DOCK1: variants seen among roughly 807,000 people sequenced by gnomAD.
DOCK1 encodes dedicator of cytokinesis 1.
In DOCK1, 138 loss-of-function variants were observed where a neutral mutation model predicts 262.7. The observed-to-expected ratio is 0.53, with a 90% CI of 0.46 to 0.61. The LOEUF (loss-of-function observed/expected upper bound fraction) is 0.61. Ranked by LOEUF, DOCK1 falls within the 20% of genes least tolerant of loss-of-function variation. The pLI, the probability that DOCK1 is intolerant of heterozygous loss-of-function variation, is 0.00. For synonymous variants in DOCK1, 866 were observed against 867.4 expected (o/e 1.00, Z 0.03); for missense variants, 1,908 against 2,370.7 (o/e 0.80, Z 4.05).
At chr10:126,941,035 A>C (rs2034939635) in intron 1 of DOCK1, among the ~76,000 whole-genome samples, 2 of 152,248 alleles carry the variant, frequency 1.3e-5, no homozygotes, top group African/African-American at 4.8e-5. Context: ...GTACATTCAC[A>C]TTTTTCCATC....
intron 29 of DOCK1, among the ~76,000 whole-genome samples, chr10:127,259,272 T>G (rs2134975824): frequency 6.6e-6 from 1 of 152,318 alleles, no homozygotes; most frequent in African/African-American, 2.4e-5. Context: ...TCTCTCAGCT[T>G]CTCAGTCGTC....
At chr10:126,924,665 GA>G (rs1202583359) in intron 1 of DOCK1, among the ~76,000 whole-genome samples, 1 of 152,230 alleles carries the variant, frequency 6.6e-6, no homozygotes, top group African/African-American at 2.4e-5. Flanking sequence ...AACAGAAAAT[GA>G]AATCTCATTT....
At position 127,446,479 on chromosome 10, in the gene DOCK1, AC is replaced by A. The variant is rs1053486802; in HGVS notation, c.5414-913del. ...GCAAATTTTATGTCGTGTATATCTT[AC>A]CACAATAATAGCAAAGAAGTAGGCA... On this transcript the variant is annotated intron_variant, in intron 50 of 51. Coordinates refer to ENST00000623213, the MANE Select transcript of DOCK1 (RefSeq NM_001290223.2). This position sits in a 1 kb window ranked among gnomAD's most constrained non-coding sequence, Gnocchi z 4.4. Among the ~76,000 whole-genome samples, 3 of 152,172 alleles carry A rather than the reference AC, an allele frequency of 2.0e-5. No homozygotes were observed. Among genetic ancestry groups the A allele is most frequent in the African/African-American group, 7.2e-5 (3 of 41,444 alleles).
intron 38 of DOCK1, among the ~76,000 whole-genome samples, chr10:127,397,185 C>A (rs1225676146): frequency 2.4e-5 from 3 of 125,726 alleles, no homozygotes; most frequent in African/African-American, 3.2e-5. Flanking sequence ...ATGAGTTACA[C>A]GGGCAGCGTC....
At chr10:127,068,338 A>C (rs1310318829) in intron 23 of DOCK1, among the ~76,000 whole-genome samples, 1 of 152,176 alleles carries the variant, frequency 6.6e-6, no homozygotes, top group African/African-American at 2.4e-5. Flanking sequence ...AATGATCTGA[A>C]TGTGTTAGGG....
chr10:127,237,255 G>A (rs1199628882), intron 27 of DOCK1, among the ~76,000 whole-genome samples: 2 of 151,588 alleles, frequency 1.3e-5, no homozygotes, highest in Non-Finnish European at 2.9e-5. Context: ...AGCTACTTGG[G>A]AGGCTGAGGC....
At chr10:126,959,426 C>T (rs943049514) in intron 1 of DOCK1, among the ~76,000 whole-genome samples, 8 of 152,206 alleles carry the variant, frequency 5.3e-5, no homozygotes, top group Admixed American at 1.3e-4. Flanking sequence ...AAGTAAATCA[C>T]GATATATAGG....
At chr10:127,339,899 G>A (rs2063359337) in intron 30 of DOCK1, among the ~76,000 whole-genome samples, 1 of 152,104 alleles carries the variant, frequency 6.6e-6, no homozygotes, top group Non-Finnish European at 1.5e-5. Context: ...TTTTTGAAAA[G>A]CATGCAGATA....
chr10:127,104,292 A>G (rs971593352), intron 23 of DOCK1, among the ~76,000 whole-genome samples: 3 of 152,126 alleles, frequency 2.0e-5, no homozygotes, highest in Non-Finnish European at 2.9e-5. Context: ...CAATTTATCA[A>G]TTTTTTCTTT....
intron 38 of DOCK1, among the ~76,000 whole-genome samples, chr10:127,386,192 G>T (rs2066109035): frequency 6.6e-6 from 1 of 152,092 alleles, no homozygotes; most frequent in South Asian, 2.1e-4. Context: ...TCCTTTATTT[G>T]TCCCTGCCAT....
intron 27 of DOCK1, among the ~76,000 whole-genome samples, chr10:127,188,736 C>A (rs998573670): frequency 1.3e-5 from 2 of 152,196 alleles, no homozygotes; most frequent in African/African-American, 4.8e-5. Context: ...GAGCAAAGAT[C>A]AGAAAAGGTA....
chr10:126,977,514 G>A (rs1337228890), intron 2 of DOCK1, among the ~76,000 whole-genome samples: 1 of 152,084 alleles, frequency 6.6e-6, no homozygotes, highest in African/African-American at 2.4e-5. Context: ...TCTCTCAATG[G>A]GTTTTCTGTT....
chr10:127,363,003 ACGCACATCCC>A (rs2133947967), intron 33 of DOCK1, among the ~76,000 whole-genome samples: 3 of 132,676 alleles, frequency 2.3e-5, no homozygotes, highest in Admixed American at 7.7e-5. Context: ...CCACACACAC[ACGCACATCCC>A]CACACACACA....
At chr10:126,938,102 A>G (rs2034679599) in intron 1 of DOCK1, among the ~76,000 whole-genome samples, 1 of 151,232 alleles carries the variant, frequency 6.6e-6, no homozygotes, top group South Asian at 2.1e-4. Context: ...GCTGGAGTGC[A>G]ATGGCACGAT....
intron 16 of DOCK1, among the ~76,000 whole-genome samples, chr10:127,029,266 GC>G (rs1398766373): frequency 2.0e-5 from 3 of 152,196 alleles, no homozygotes; most frequent in Non-Finnish European, 4.4e-5. Flanking sequence ...GGCCTTCGGG[GC>G]CTCCCCAGCC....
intron 25 of DOCK1, among the ~76,000 whole-genome samples, chr10:127,121,077 A>G (rs2049530457): frequency 6.6e-6 from 1 of 152,166 alleles, no homozygotes. Flanking sequence ...GGGGGATTGC[A>G]TTATTTCTTT....
In DOCK1 at chr10:127,380,171, A is replaced by G. The variant is rs766170603; in HGVS notation, c.3716+49A>G. 1.7e-5 allele frequency: 22 copies of G among 1,324,218 alleles called. No individual in the cohort carries two copies. The South Asian group carries it at 2.9e-4, about 17-fold the overall frequency. The allele number at this position is 1,324,218 out of a possible 1,614,324, so 82.0% of individuals were successfully genotyped here. ...GCATGTTAATTATAAATAATAATAT[A>G]TGTTGTATGTTTACGTATGCTAAGA... On this transcript the variant is annotated intron_variant, in intron 36 of 51. Coordinates refer to ENST00000623213, the MANE Select transcript of DOCK1 (RefSeq NM_001290223.2).
In DOCK1 at chr10:127,052,774, C is replaced by A; in HGVS notation, c.2295C>A (p.Ser765=). 3 of 1,613,894 alleles carry A rather than the reference C, an allele frequency of 1.9e-6. No homozygotes were observed. Among genetic ancestry groups the A allele is most frequent in the Non-Finnish European group, 2.5e-6 (3 of 1,179,864 alleles). Reference sequence around the variant, plus strand: ...ACAAAGCCATGAAAGCGCTAGAATCCATCTTCAAGTTCATCGTGCGCTCCA... The same window carrying A: ...ACAAAGCCATGAAAGCGCTAGAATCAATCTTCAAGTTCATCGTGCGCTCCA... The part of the protein sequence containing the change: ...QLYKAMKALE[S]IFKFIVRSRI... Residue 765 remains serine (S), a synonymous_variant, in exon 22 of 52, where the codon TCC becomes TCA. Transcript: ENST00000623213.
intron 1 of DOCK1, among the ~76,000 whole-genome samples, chr10:126,914,483 G>T (rs544085583): frequency 7.2e-5 from 11 of 152,132 alleles, no homozygotes; most frequent in African/African-American, 2.7e-4. Context: ...GCTCACTGCA[G>T]CCTTGAACTC....
Sources: gnomAD v4.1 joint callset for allele counts (sites outside exome capture counted in the v4.1 genomes callset) on GRCh38, gnomAD v4.1.1 for gene constraint, Gnocchi (gnomAD v3.1) non-coding constraint, MANE v1.5 for transcripts, NCBI Gene and HGNC (gene_info 2026-07-23, HGNC 2026-07-21) for gene names.